Variants in PLBD1 observed in about 807,000 individuals in gnomAD.
The protein encoded by PLBD1 is phospholipase B domain containing 1.
Under a neutral mutation model 63.0 loss-of-function variants are expected in PLBD1, and 60 were observed. The ratio of observed to expected loss-of-function variants is 0.95; its 90% CI spans 0.77 to 1.18. The LOEUF is 1.18. Among genes scored for constraint, PLBD1 ranks in the 50% most tolerant of loss-of-function variants. PLBD1 has a pLI of 0.00. For missense variants in PLBD1, 598 were observed against 677.9 expected, an observed-to-expected ratio of 0.88 and a Z score of 1.31; for synonymous variants, 262 against 248.0, an observed-to-expected ratio of 1.06 and a Z score of -0.53.
chr12:14,534,874 A>C (rs1424734676), intron 6 of PLBD1, among the ~76,000 whole-genome samples: 3 of 151,898 alleles, frequency 2.0e-5, no homozygotes, highest in Non-Finnish European at 4.4e-5. Context: ...TTATTCATTT[A>C]CCTCACCTGC....
At chr12:14,544,621 A>T (rs1223606402) in intron 2 of PLBD1, among the ~76,000 whole-genome samples, 1 of 152,156 alleles carries the variant, frequency 6.6e-6, no homozygotes, top group Non-Finnish European at 1.5e-5. Context: ...CAGTTTTTTC[A>T]TAATTTTTAC....
chr12:14,555,895 C>A (rs1945699448), intron 1 of PLBD1, among the ~76,000 whole-genome samples: 1 of 152,198 alleles, frequency 6.6e-6, no homozygotes, highest in African/African-American at 2.4e-5. Flanking sequence ...TACATGCTTG[C>A]CCCTGCTCCT....
chr12:14,556,734 C>T (rs866024251), intron 1 of PLBD1, among the ~76,000 whole-genome samples: 2 of 150,914 alleles, frequency 1.3e-5, no homozygotes, highest in African/African-American at 4.9e-5. Flanking sequence ...GCTGTAATTC[C>T]AGCATTTTGG....
intron 1 of PLBD1, chr12:14,554,227 C>G (rs1945683020): frequency 6.6e-6 from 1 of 152,412 alleles, no homozygotes; most frequent in Non-Finnish European, 1.5e-5. Context: ...ACGCCCATCT[C>G]TCCATTCTGG....
chr12:14,536,696 G>T lies in PLBD1; in HGVS notation c.573C>A (p.Phe191Leu). 6.2e-7 allele frequency: 1 copy of T among 1,614,098 alleles called. No homozygotes were observed. The highest frequency in any genetic ancestry group is 8.5e-7 in the Non-Finnish European group (1 of 1,179,990). Residue 191 changes from phenylalanine (F) to leucine (L), a missense_variant, in exon 5 of 11, where the codon TTC becomes TTA. Transcript: ENST00000240617. ...ILEGTKPMTL[F>L]QIQFLNSVGD... ...CAACACTATTCAGGAACTGAATCTG[G>T]AACAGGGTCATTGGCTAGGAAAGGA...
At chr12:14,536,098 C>T (rs1945511765) in intron 5 of PLBD1, 3 of 298,210 alleles carry the variant, frequency 1.0e-5, no homozygotes, top group Non-Finnish European at 1.9e-5. Context: ...GAGTTTGAGA[C>T]AAGCCTGGCC....
rs2136939291 is a variant in PLBD1 at position 14,567,862 on chromosome 12, G to C, written c.-166C>G. 1.0e-6 allele frequency: 1 copy of C among 964,306 alleles called. No homozygotes were observed. The highest frequency in any genetic ancestry group is 3.3e-5 in the East Asian group (1 of 29,874). The allele number at this position is 964,306 out of a possible 1,614,324, so 59.7% of individuals were successfully genotyped here. A position where few individuals can be genotyped will look rare whatever the true frequency, so the allele number is the denominator to read the frequency against. ...AGCCCGGCCTGCTCCGGGCTCTGAG[G>C]GGCGAGGACGCTTCACGTGGTGGCC... is the stretch of plus-strand genomic sequence containing the variant. On this transcript the variant is annotated 5_prime_UTR_variant, in exon 1 of 11. Coordinates refer to ENST00000240617, the MANE Select transcript of PLBD1 (RefSeq NM_024829.6).
intron 2 of PLBD1, among the ~76,000 whole-genome samples, chr12:14,550,020 T>C (rs984284109): frequency 6.6e-6 from 1 of 152,158 alleles, no homozygotes; most frequent in Non-Finnish European, 1.5e-5. Flanking sequence ...AGTGCCTTTT[T>C]TCAGTACTCT....
At chr12:14,556,352 G>A (rs573411386) in intron 1 of PLBD1, among the ~76,000 whole-genome samples, 5 of 152,156 alleles carry the variant, frequency 3.3e-5, no homozygotes, top group African/African-American at 4.8e-5. Flanking sequence ...GTTGGCAAAC[G>A]TTCCAAACTG....
At chr12:14,547,482 T>C (rs1333357437) in intron 2 of PLBD1, among the ~76,000 whole-genome samples, 2 of 152,178 alleles carry the variant, frequency 1.3e-5, no homozygotes, top group African/African-American at 4.8e-5. Context: ...CCACTACTTC[T>C]AAGCTATATC....
rs560648502 is a variant in PLBD1 at position 14,529,583 on chromosome 12, G to C, written c.844+6076C>G. Reference sequence around the variant, plus strand: ...CAGAAAAATGCAACACTCATTTATTGATAAAAATATTAAAGAAAGTAGGAA... The same window carrying C: ...CAGAAAAATGCAACACTCATTTATTCATAAAAATATTAAAGAAAGTAGGAA... On this transcript the variant is annotated intron_variant, in intron 6 of 10. Coordinates refer to ENST00000240617, the MANE Select transcript of PLBD1 (RefSeq NM_024829.6). 5.3e-5 allele frequency among the ~76,000 whole-genome samples: 8 copies of C among 152,210 alleles called. No individual in the cohort carries two copies. The East Asian group carries it at 1.5e-3, about 29-fold the overall frequency.
At chr12:14,531,495 G>C (rs756555653) in intron 6 of PLBD1, among the ~76,000 whole-genome samples, 2 of 152,088 alleles carry the variant, frequency 1.3e-5, no homozygotes, top group African/African-American at 4.8e-5. Context: ...GCCTTACCCA[G>C]AGTGTTAAAA....
chr12:14,522,374 C>A (rs1490362712), intron 6 of PLBD1, among the ~76,000 whole-genome samples: 5 of 152,070 alleles, frequency 3.3e-5, no homozygotes, highest in Non-Finnish European at 7.4e-5. Flanking sequence ...AATAAAAAGT[C>A]TTCCAGAAAA....
At chr12:14,539,797 G>A (rs988794839) in intron 4 of PLBD1, among the ~76,000 whole-genome samples, 9 of 149,736 alleles carry the variant, frequency 6.0e-5, no homozygotes, top group African/African-American at 9.9e-5. Context: ...AAAAAAAAAA[G>A]TTAGAGTCTT....
In PLBD1 at chr12:14,503,821, T is replaced by C. The variant is rs756707061; in HGVS notation, c.1613A>G (p.Asn538Ser). 1.9e-6 allele frequency: 3 copies of C among 1,613,856 alleles called. No homozygotes were observed. The highest frequency in any genetic ancestry group is 2.5e-6 in the Non-Finnish European group (3 of 1,179,898). Reference protein sequence around the residue: ...TLHQGMPEVYNFDFITMKPIL... With the variant: ...TLHQGMPEVYSFDFITMKPIL... ...TGGTTTCATGGTAATAAAATCAAAG[T>C]TGTAGACCTCTGGCATGCCCTGATG... The change falls in exon 11 of 11, where the codon AAC becomes AGC. Residue 538 changes from asparagine to serine, a missense_variant. By Grantham distance (46) the Asn-to-Ser change is conservative. Transcript: ENST00000240617.
intron 8 of PLBD1, among the ~76,000 whole-genome samples, chr12:14,508,284 CTTCA>C (rs1945271203): frequency 6.6e-6 from 1 of 152,208 alleles, no homozygotes; most frequent in African/African-American, 2.4e-5. Flanking sequence ...GTTTCTTCAT[CTTCA>C]TTAACTATTC....
rs1428195772 is a variant in PLBD1, at chr12:14,506,962, G to T, written c.1343C>A (p.Ala448Glu). The change falls in exon 9 of 11, where the codon GCA becomes GAA. Residue 448 changes from alanine (A) to glutamate (E), a missense_variant. Transcript: ENST00000240617. ...RRDQGKVTDT[A>E]SMKYIMRYNN... ...GTATCGCATGATATATTTCATGGATGCCGTATCAGTCACTTTCCCTTGGTC... is the reference window on the plus strand; with the variant it reads ...GTATCGCATGATATATTTCATGGATTCCGTATCAGTCACTTTCCCTTGGTC... The T allele has an allele frequency of 6.2e-7, 1 of 1,614,090 alleles. No individual in the cohort carries two copies. The highest frequency in any genetic ancestry group is 2.2e-5 in the East Asian group (1 of 44,874).
intron 6 of PLBD1, among the ~76,000 whole-genome samples, chr12:14,534,415 C>T (rs959322301): frequency 6.6e-6 from 1 of 152,116 alleles, no homozygotes; most frequent in African/African-American, 2.4e-5. Flanking sequence ...GTTTTAAATA[C>T]ATAGTTTTAT....
In PLBD1 at chr12:14,503,675, TA is replaced by T. The variant is rs1555144244; in HGVS notation, c.*96del. 8.8e-7 allele frequency: 1 copy of T among 1,140,848 alleles called. No homozygotes were observed. The highest frequency in any genetic ancestry group is 2.4e-5 in the East Asian group (1 of 41,544). The allele number at this position is 1,140,848 out of a possible 1,614,324, so 70.7% of individuals were successfully genotyped here. ...TCAGTGGGAAATGAAAGTGACAAAT[TA>T]ATATATTTTATTGCATAATTCTGAT... On this transcript the variant is annotated 3_prime_UTR_variant, in exon 11 of 11. Transcript: ENST00000240617.
Sources: gnomAD v4.1 joint callset for allele counts (sites outside exome capture counted in the v4.1 genomes callset) on GRCh38, gnomAD v4.1.1 for gene constraint, MANE v1.5 for transcripts, NCBI Gene and HGNC (gene_info 2026-07-23, HGNC 2026-07-21) for gene names.